Variants in CALCRL observed in about 807,000 individuals in gnomAD.
CALCRL encodes the protein calcitonin receptor like receptor, also known as calcitonin gene-related peptide type 1 receptor.
A neutral mutation model predicts 60.4 loss-of-function variants in CALCRL; 27 were observed. The observed-to-expected ratio is 0.45, with a 90% CI of 0.33 to 0.62. CALCRL has a LOEUF of 0.62. Ranked by LOEUF, CALCRL falls within the 20% of genes least tolerant of loss-of-function variation. The probability of loss-of-function intolerance (pLI) is 0.03; values close to 1 mark genes in which losing one functional copy is unlikely to be tolerated. For missense variants in CALCRL, 424 were observed against 540.7 expected, an observed-to-expected ratio of 0.78 and a Z score of 2.14; for synonymous variants, 190 against 182.6, an observed-to-expected ratio of 1.04 and a Z score of -0.33.
At chr2:187,442,583 A>G (rs892769481) in intron 1 of CALCRL, among the ~76,000 whole-genome samples, 3 of 151,884 alleles carry the variant, frequency 2.0e-5, no homozygotes, top group African/African-American at 7.2e-5. Flanking sequence ...GGTGGCAGTA[A>G]TAAGTTCCTA....
chr2:187,416,844 G>A (rs895257695), intron 1 of CALCRL, among the ~76,000 whole-genome samples: 1 of 152,010 alleles, frequency 6.6e-6, no homozygotes, highest in Non-Finnish European at 1.5e-5. Context: ...CATCAATAAA[G>A]ACCTATAATC....
At chr2:187,435,348 T>G (rs2105899862) in intron 1 of CALCRL, among the ~76,000 whole-genome samples, 1 of 152,226 alleles carries the variant, frequency 6.6e-6, no homozygotes. Context: ...AACCAGACTT[T>G]GTGTGAACTA....
chr2:187,371,348 T>TAA (rs1335242406), intron 8 of CALCRL, among the ~76,000 whole-genome samples: 1 of 151,866 alleles, frequency 6.6e-6, no homozygotes, highest in East Asian at 1.9e-4. Flanking sequence ...TTACAATGAA[T>TAA]AAATGGACGT....
intron 1 of CALCRL, among the ~76,000 whole-genome samples, chr2:187,439,955 A>G (rs1229552855): frequency 6.6e-6 from 1 of 152,164 alleles, no homozygotes; most frequent in Non-Finnish European, 1.5e-5. Context: ...CATTCTTTTC[A>G]TACTCAGATG....
intron 8 of CALCRL, among the ~76,000 whole-genome samples, chr2:187,371,323 T>C (rs139331231): frequency 6.6e-6 from 1 of 151,746 alleles, no homozygotes; most frequent in Non-Finnish European, 1.5e-5. Context: ...CTCAGGACCA[T>C]AGTGTATAAC....
At chr2:187,373,366 G>A (rs1574241758) in intron 8 of CALCRL, among the ~76,000 whole-genome samples, 1 of 152,146 alleles carries the variant, frequency 6.6e-6, no homozygotes, top group East Asian at 1.9e-4. Context: ...AAGCTACACG[G>A]TATCTTCTGG....
intron 1 of CALCRL, among the ~76,000 whole-genome samples, chr2:187,427,292 G>T (rs1474961094): frequency 1.3e-5 from 2 of 152,116 alleles, no homozygotes; most frequent in African/African-American, 4.8e-5. Context: ...CTGCCTATGT[G>T]GTAAGGGTAT....
chr2:187,423,867 C>T (rs1324105687), intron 1 of CALCRL, among the ~76,000 whole-genome samples: 3 of 151,806 alleles, frequency 2.0e-5, no homozygotes, highest in Non-Finnish European at 4.4e-5. Flanking sequence ...CTGTGTGATA[C>T]AAAAAATAAA....
intron 1 of CALCRL, among the ~76,000 whole-genome samples, chr2:187,424,517 T>G (rs1281347286): frequency 6.6e-6 from 1 of 152,058 alleles, no homozygotes; most frequent in African/African-American, 2.4e-5. Flanking sequence ...CATTAACTAG[T>G]AGAAATAGCA....
chr2:187,426,626 C>G (rs1690146214), intron 1 of CALCRL, among the ~76,000 whole-genome samples: 1 of 151,870 alleles, frequency 6.6e-6, no homozygotes, highest in Non-Finnish European at 1.5e-5. Flanking sequence ...ATAAATGATT[C>G]ACTGATATAT....
intron 1 of CALCRL, among the ~76,000 whole-genome samples, chr2:187,447,097 G>A (rs866544569): frequency 1.3e-5 from 2 of 151,986 alleles, no homozygotes; most frequent in Non-Finnish European, 2.9e-5. Flanking sequence ...GTTCAGGACA[G>A]TCTGTACTAT....
At chr2:187,433,014 G>A (rs559273699) in intron 1 of CALCRL, among the ~76,000 whole-genome samples, 12 of 152,088 alleles carry the variant, frequency 7.9e-5, no homozygotes, top group South Asian at 2.1e-4. Flanking sequence ...TGTAATGTTC[G>A]CACAATGACA....
At chr2:187,365,356 T>TGCTTTGA (rs1260347628) in intron 8 of CALCRL, among the ~76,000 whole-genome samples, 1 of 152,204 alleles carries the variant, frequency 6.6e-6, no homozygotes, top group African/African-American at 2.4e-5. Flanking sequence ...TTAAAATGCC[T>TGCTTTGA]GCTTTGAGCT....
chr2:187,397,196 G>A (rs553493715), intron 1 of CALCRL, among the ~76,000 whole-genome samples: 38 of 151,406 alleles, frequency 2.5e-4, no homozygotes, highest in African/African-American at 5.8e-4. Context: ...TTTATTTGCC[G>A]TAATTTCAAT....
At chr2:187,404,256 T>G (rs893362992) in intron 1 of CALCRL, among the ~76,000 whole-genome samples, 1 of 151,820 alleles carries the variant, frequency 6.6e-6, no homozygotes, top group African/African-American at 2.4e-5. Context: ...CACCGAATCT[T>G]AAGATGGTGC....
intron 12 of CALCRL, among the ~76,000 whole-genome samples, chr2:187,352,644 T>A (rs1376107264): frequency 6.6e-6 from 1 of 151,854 alleles, no homozygotes; most frequent in African/African-American, 2.4e-5. Context: ...TAAAAAAATC[T>A]GTGGTCTAAA....
At chr2:187,435,400 G>C (rs1344646254) in intron 1 of CALCRL, among the ~76,000 whole-genome samples, 2 of 152,138 alleles carry the variant, frequency 1.3e-5, no homozygotes. Context: ...ATGGTGCTAG[G>C]TCATTCATGA....
chr2:187,439,041 A>T (rs1009418089), intron 1 of CALCRL, among the ~76,000 whole-genome samples: 3 of 152,196 alleles, frequency 2.0e-5, no homozygotes, highest in Non-Finnish European at 4.4e-5. Flanking sequence ...ACATTCATTC[A>T]TTTATTCATT....
At chr2:187,410,428 AAG>A (rs1689308789) in intron 1 of CALCRL, among the ~76,000 whole-genome samples, 1 of 152,116 alleles carries the variant, frequency 6.6e-6, no homozygotes, top group African/African-American at 2.4e-5. Context: ...AGAAAAAAAA[AAG>A]GACACTGATT....
Sources: gnomAD v4.1 joint callset for allele counts (sites outside exome capture counted in the v4.1 genomes callset) on GRCh38, gnomAD v4.1.1 for gene constraint, MANE v1.5 for transcripts, NCBI Gene and HGNC (gene_info 2026-07-23, HGNC 2026-07-21) for gene names.